The following MLLT3 variants were observed in gnomAD, a reference collection of about 807,000 sequenced individuals.
MLLT3 encodes the protein MLLT3 super elongation complex subunit, also known as protein AF-9.
A neutral mutation model predicts 53.2 loss-of-function variants in MLLT3; 4 were observed. That is an observed-to-expected ratio of 0.08 (90% CI 0.04 to 0.17). The LOEUF is 0.17. Among genes scored for constraint, MLLT3 ranks in the 10% least tolerant of loss-of-function variants. MLLT3 has a pLI of 1.00. For synonymous variants in MLLT3, 283 were observed against 230.6 expected, an observed-to-expected ratio of 1.23 and a Z score of -2.06; for missense variants, 569 against 684.0, an observed-to-expected ratio of 0.83 and a Z score of 1.87.
At chr9:20,440,456 A>T (rs184337128) in intron 4 of MLLT3, among the ~76,000 whole-genome samples, 3 of 152,266 alleles carry the variant, frequency 2.0e-5, no homozygotes, top group Admixed American at 2.0e-4. Context: ...ACAGGCAGAA[A>T]ACAAAATGTT....
At chr9:20,506,855 G>A (rs191506506) in intron 2 of MLLT3, among the ~76,000 whole-genome samples, 1 of 152,152 alleles carries the variant, frequency 6.6e-6, no homozygotes. Context: ...TGTTAGAACT[G>A]CATGTAATCA....
intron 2 of MLLT3, among the ~76,000 whole-genome samples, chr9:20,586,862 T>C (rs1267423923): frequency 6.6e-6 from 1 of 152,136 alleles, no homozygotes; most frequent in Non-Finnish European, 1.5e-5. Context: ...GAAAGAACTA[T>C]TCCTAGTATA....
At chr9:20,425,913 T>C (rs1030171910) in intron 4 of MLLT3, among the ~76,000 whole-genome samples, 1 of 152,024 alleles carries the variant, frequency 6.6e-6, no homozygotes, top group East Asian at 1.9e-4. Flanking sequence ...GTACTGTATT[T>C]GCACTTAAAT....
chr9:20,533,668 C>T (rs1818401557), intron 2 of MLLT3, among the ~76,000 whole-genome samples: 1 of 152,130 alleles, frequency 6.6e-6, no homozygotes, highest in Admixed American at 6.5e-5. Context: ...AGTGTCCATC[C>T]ACAGATGAAT....
At chr9:20,549,802 T>C (rs937316028) in intron 2 of MLLT3, among the ~76,000 whole-genome samples, 2 of 152,196 alleles carry the variant, frequency 1.3e-5, no homozygotes, top group Non-Finnish European at 2.9e-5. Context: ...TCTTTCCACA[T>C]TTACTCACCA....
intron 4 of MLLT3, among the ~76,000 whole-genome samples, chr9:20,416,341 T>C (rs538048010): frequency 3.3e-5 from 5 of 152,148 alleles, no homozygotes; most frequent in Admixed American, 1.3e-4. Context: ...TACACATATT[T>C]TGTAAATAAG....
At chr9:20,553,283 G>C (rs182012874) in intron 2 of MLLT3, among the ~76,000 whole-genome samples, 131 of 152,256 alleles carry the variant, frequency 8.6e-4, no homozygotes, top group Non-Finnish European at 1.1e-3. Flanking sequence ...CAGACATTCT[G>C]GTTATTTCTT....
chr9:20,512,589 T>C (rs1426912796), intron 2 of MLLT3, among the ~76,000 whole-genome samples: 1 of 152,232 alleles, frequency 6.6e-6, no homozygotes, highest in African/African-American at 2.4e-5. Context: ...GTTTTTATCC[T>C]ATACACCCCC....
At chr9:20,609,735 A>C (rs976219604) in intron 2 of MLLT3, among the ~76,000 whole-genome samples, 7 of 152,088 alleles carry the variant, frequency 4.6e-5, no homozygotes, top group Admixed American at 3.3e-4. Flanking sequence ...TACAAGTGTA[A>C]CTTAATCCCT....
At chr9:20,368,423 A>G (rs1563939267) in intron 5 of MLLT3, among the ~76,000 whole-genome samples, 1 of 152,214 alleles carries the variant, frequency 6.6e-6, no homozygotes, top group African/African-American at 2.4e-5. Context: ...TACAGTGAGC[A>G]GAGAGAGCTC....
intron 3 of MLLT3, among the ~76,000 whole-genome samples, chr9:20,454,785 G>A (rs1389796740): frequency 6.6e-6 from 1 of 152,162 alleles, no homozygotes; most frequent in Non-Finnish European, 1.5e-5. Flanking sequence ...ATGGGAGATA[G>A]AGACAGGCTC....
intron 8 of MLLT3, among the ~76,000 whole-genome samples, chr9:20,355,798 A>G (rs1306895557): frequency 1.3e-5 from 2 of 152,256 alleles, no homozygotes; most frequent in East Asian, 1.9e-4. Context: ...TTAAAGGAGG[A>G]AAATGCCAAA....
At chr9:20,472,186 A>C (rs1277737247) in intron 2 of MLLT3, among the ~76,000 whole-genome samples, 1 of 152,048 alleles carries the variant, frequency 6.6e-6, no homozygotes, top group Non-Finnish European at 1.5e-5. Flanking sequence ...ATTTAATCCT[A>C]TTAGGATTTT....
chr9:20,348,526 G>A (rs896069569), intron 10 of MLLT3, among the ~76,000 whole-genome samples: 11 of 152,218 alleles, frequency 7.2e-5, no homozygotes, highest in Non-Finnish European at 1.0e-4. Flanking sequence ...CAAGGAGCCT[G>A]TGTCATCAGT....
At chr9:20,591,217 G>T (rs950254195) in intron 2 of MLLT3, among the ~76,000 whole-genome samples, 2 of 151,960 alleles carry the variant, frequency 1.3e-5, no homozygotes, top group Non-Finnish European at 1.5e-5. Context: ...CTAGTTTACT[G>T]GGGGCCTGAC....
intron 2 of MLLT3, among the ~76,000 whole-genome samples, chr9:20,515,507 G>A (rs976970831): frequency 6.6e-6 from 1 of 152,148 alleles, no homozygotes; most frequent in African/African-American, 2.4e-5. Context: ...AGGAGAAAAT[G>A]GGGGAGGAGG....
chr9:20,374,381 C>T (rs1207178434), intron 5 of MLLT3, among the ~76,000 whole-genome samples: 2 of 152,148 alleles, frequency 1.3e-5, no homozygotes, highest in Non-Finnish European at 2.9e-5. Context: ...AAGTCTCTGT[C>T]TCAAAATAAA....
chr9:20,567,895 C>G (rs1587079007), intron 2 of MLLT3, among the ~76,000 whole-genome samples: 1 of 152,128 alleles, frequency 6.6e-6, no homozygotes, highest in Non-Finnish European at 1.5e-5. Context: ...TTCAAGAACT[C>G]TTCTCTCTTA....
chr9:20,514,011 G>A (rs1483434320), intron 2 of MLLT3, among the ~76,000 whole-genome samples: 1 of 152,198 alleles, frequency 6.6e-6, no homozygotes, highest in Admixed American at 6.5e-5. Context: ...ATGGAAAGTT[G>A]GAAGGGGTAG....
Sources: allele counts gnomAD v4.1 joint callset (sites outside exome capture counted in the v4.1 genomes callset), GRCh38; gene constraint gnomAD v4.1.1; transcripts MANE v1.5; gene names NCBI Gene and HGNC (gene_info 2026-07-23, HGNC 2026-07-21).